The following ARHGAP21 variants were observed in gnomAD, a reference collection of about 807,000 sequenced individuals.
The protein encoded by ARHGAP21 is rho GTPase-activating protein 21.
In ARHGAP21, 38 loss-of-function variants were observed where a neutral mutation model predicts 164.6. That is an observed-to-expected ratio of 0.23 (90% CI 0.18 to 0.30). The LOEUF is 0.30. Ranked by LOEUF, ARHGAP21 falls within the 10% of genes least tolerant of loss-of-function variation. The pLI is 1.00. For missense variants in ARHGAP21, 1,822 were observed against 2,370.7 expected, an observed-to-expected ratio of 0.77 and a Z score of 4.81; for synonymous variants, 766 against 857.9, an observed-to-expected ratio of 0.89 and a Z score of 1.87.
intron 2 of ARHGAP21, among the ~76,000 whole-genome samples, chr10:24,677,151 C>A: frequency 6.6e-6 from 1 of 152,222 alleles, no homozygotes; most frequent in South Asian, 2.1e-4. Context: ...ACCCAGGAGG[C>A]GGAGGTTGCA....
chr10:24,600,923 C>T lies in ARHGAP21; in HGVS notation c.2855G>A (p.Gly952Asp). The T allele has an allele frequency of 6.2e-7, 1 of 1,609,170 alleles. No individual in the cohort carries two copies. The highest frequency in any genetic ancestry group is 8.5e-7 in the Non-Finnish European group (1 of 1,176,136). Residue 952 changes from glycine to aspartate, a missense_variant, in exon 14 of 26, where the codon GGT becomes GAT. Physicochemically the swap from Gly to Asp is moderately conservative, Grantham distance 94. This residue lies in a region of ARHGAP21 where 1,090 missense variants were observed against 1,378.9 expected (regional missense o/e 0.79). Transcript: ENST00000396432. ...CTGTTTCCATGGCCGAATACTTCCA[C>T]CAACTCGCTAGAAAACATGCGACAG... ...PLVTDKGKRVGGSIRPWKQMY... is the reference protein window; with the variant it reads ...PLVTDKGKRVDGSIRPWKQMY...
intron 2 of ARHGAP21, among the ~76,000 whole-genome samples, chr10:24,707,414 A>G (rs1303806784): frequency 1.3e-5 from 2 of 151,770 alleles, no homozygotes; most frequent in Non-Finnish European, 2.9e-5. Flanking sequence ...TCTATCCTTG[A>G]CCTCCCTCTA....
intron 2 of ARHGAP21, among the ~76,000 whole-genome samples, chr10:24,697,725 T>C (rs1183504869): frequency 5.3e-5 from 8 of 151,722 alleles, no homozygotes. Context: ...CCGGGCATGG[T>C]GGTGTGCAGC....
intron 1 of ARHGAP21, chr10:24,722,607 CT>C (rs1363435526): frequency 6.6e-6 from 1 of 152,286 alleles, no homozygotes; most frequent in Non-Finnish European, 1.5e-5. Context: ...GACAGGGACA[CT>C]TCGGTGAAGT....
intron 4 of ARHGAP21, among the ~76,000 whole-genome samples, chr10:24,656,180 C>T (rs1382837838): frequency 2.8e-5 from 4 of 141,150 alleles, no homozygotes; most frequent in Admixed American, 6.8e-5. Context: ...GTCAGCCCCC[C>T]GCCCGGCCAG....
chr10:24,671,199 A>T (rs1840671669), intron 2 of ARHGAP21, among the ~76,000 whole-genome samples: 1 of 152,042 alleles, frequency 6.6e-6, no homozygotes, highest in Non-Finnish European at 1.5e-5. Flanking sequence ...ACAAAACCTA[A>T]CCCTGGATAA....
chr10:24,584,806 C>T lies in ARHGAP21; in HGVS notation c.5483G>A (p.Arg1828Lys). The change falls in exon 26 of 26, where the codon AGA becomes AAA. Residue 1828 changes from arginine (R) to lysine (K), a missense_variant. By Grantham distance (26) the Arg-to-Lys change is conservative (BLOSUM62 2). Coordinates refer to ENST00000396432, the MANE Select transcript of ARHGAP21 (RefSeq NM_020824.4). ...FWKVHEQSGE[R>K]ESELSAVNRL... is the part of the protein sequence containing the mutation. The stretch of plus-strand genomic sequence containing the variant: ...GTTTACAGCTGAAAGTTCAGATTCT[C>T]TCTCCCCGCTCTGCTCATGCACTTT... The T allele has an allele frequency of 6.2e-7, 1 of 1,613,956 alleles. No homozygotes were observed. Among genetic ancestry groups the T allele is most frequent in the Middle Eastern group, 1.7e-4 (1 of 6,056 alleles).
chr10:24,587,391 AACAG>A lies in ARHGAP21; in HGVS notation c.4183-1289_4183-1286del, dbSNP rs147874282. 6.6e-5 allele frequency among the ~76,000 whole-genome samples: 10 copies of A among 152,286 alleles called. No individual in the cohort carries two copies. In the East Asian group the frequency reaches 1.9e-3, roughly 30 times the overall value. ...GGCAGGAGGTATGCTGAGTAATAGAAACAGACAGTATATTTCTCTATTGCCTGCA... is the reference window on the plus strand; with the variant it reads ...GGCAGGAGGTATGCTGAGTAATAGAAACAGTATATTTCTCTATTGCCTGCA... On this transcript the variant is annotated intron_variant, in intron 25 of 25. Coordinates refer to ENST00000396432, the MANE Select transcript of ARHGAP21 (RefSeq NM_020824.4).
At chr10:24,716,536 G>A (rs896491819) in intron 2 of ARHGAP21, among the ~76,000 whole-genome samples, 1 of 152,240 alleles carries the variant, frequency 6.6e-6, no homozygotes, top group African/African-American at 2.4e-5. Context: ...CACAGAGTGA[G>A]GCGGGAAGAG....
intron 8 of ARHGAP21, among the ~76,000 whole-genome samples, chr10:24,622,267 A>G (rs928874764): frequency 6.6e-6 from 1 of 151,740 alleles, no homozygotes; most frequent in African/African-American, 2.4e-5. Context: ...TATGTTCAGC[A>G]TCTGAGACAG....
rs748253481 is a variant in ARHGAP21, at chr10:24,585,006, C to T, written c.5283G>A (p.Trp1761Ter). Residue 1761 changes from tryptophan to a stop codon, truncating the protein, a stop_gained, in exon 26 of 26, where the codon TGG (tryptophan) becomes TGA (stop). Coordinates refer to ENST00000396432, the MANE Select transcript of ARHGAP21 (RefSeq NM_020824.4). LOFTEE classifies it low-confidence loss of function (END_TRUNC). Reference sequence around the variant, plus strand: ...TTAACCGATCTGCTATTTTCGTTTTCCATGTGGGTTCCTGTTTTTCGGATT... The same window carrying T: ...TTAACCGATCTGCTATTTTCGTTTTTCATGTGGGTTCCTGTTTTTCGGATT... ...RGESEKQEPTWKTKIADRLKL... is the reference protein window; with the variant it reads ...RGESEKQEPT 1 of 1,613,934 alleles carries T rather than the reference C, an allele frequency of 6.2e-7. No homozygotes were observed. The highest frequency in any genetic ancestry group is 8.5e-7 in the Non-Finnish European group (1 of 1,179,870).
chr10:24,656,242 GC>G (rs1160174816), intron 4 of ARHGAP21, among the ~76,000 whole-genome samples: 7 of 126,920 alleles, frequency 5.5e-5, no homozygotes, highest in Admixed American at 5.2e-4. Context: ...CCGGCCAGCC[GC>G]CCCGTCCGGG....
chr10:24,667,042 G>A (rs770468854), intron 3 of ARHGAP21, 33 bp from the exon 4 acceptor site: 4 of 1,146,208 alleles, frequency 3.5e-6, no homozygotes, highest in Non-Finnish European at 4.9e-6. Context: ...ACATATATGA[G>A]TACATATTTA....
At chr10:24,657,461 G>A (rs1593193719) in intron 4 of ARHGAP21, among the ~76,000 whole-genome samples, 6 of 89,338 alleles carry the variant, frequency 6.7e-5, no homozygotes, top group Admixed American at 9.7e-5. Context: ...CAGCCGCCCC[G>A]TCCGGGAGGT....
At chr10:24,590,279 G>C in intron 24 of ARHGAP21, 1 of 1,523,554 alleles carries the variant, frequency 6.6e-7, no homozygotes, top group Non-Finnish European at 8.8e-7. Context: ...AAGTAGTATT[G>C]ATCTGTTTAC....
chr10:24,663,193 T>C (rs947267066), intron 4 of ARHGAP21, among the ~76,000 whole-genome samples: 3 of 152,164 alleles, frequency 2.0e-5, no homozygotes, highest in South Asian at 2.1e-4. Flanking sequence ...AGTTATTATA[T>C]TGACTCTATA....
In ARHGAP21 at chr10:24,699,802, G is replaced by A. The variant is rs151264121; in HGVS notation, c.63+22035C>T. Reference sequence around the variant, plus strand: ...TAAGCCCTTGTTTATCAGCTTCTTCGTCTGTAAAATGGGAATGTGATATTC... The same window carrying A: ...TAAGCCCTTGTTTATCAGCTTCTTCATCTGTAAAATGGGAATGTGATATTC... On this transcript the variant is annotated intron_variant, in intron 2 of 25. Coordinates refer to ENST00000396432, the MANE Select transcript of ARHGAP21 (RefSeq NM_020824.4). Among the ~76,000 whole-genome samples, 5 of 152,248 alleles carry A rather than the reference G, an allele frequency of 3.3e-5. No homozygotes were observed. The East Asian group carries it at 5.8e-4, about 18-fold the overall frequency.
intron 2 of ARHGAP21, among the ~76,000 whole-genome samples, chr10:24,704,959 T>C (rs1357340450): frequency 6.6e-6 from 1 of 152,124 alleles, no homozygotes; most frequent in Non-Finnish European, 1.5e-5. Flanking sequence ...ACCACAAGGA[T>C]GGTAGCAACA....
At chr10:24,589,141 A>T (rs991497062) in intron 25 of ARHGAP21, 130 bp downstream of exon 25, 37 of 825,228 alleles carry the variant, frequency 4.5e-5, no homozygotes, top group Non-Finnish European at 7.0e-5. Flanking sequence ...TTTAGGAATT[A>T]ATTTTTTGAT....
Sources: gnomAD v4.1 joint callset for allele counts (sites outside exome capture counted in the v4.1 genomes callset) on GRCh38, gnomAD v4.1.1 for gene constraint, gnomAD v4.1.1 regional missense constraint, MANE v1.5 for transcripts, NCBI Gene and HGNC (gene_info 2026-07-23, HGNC 2026-07-21) for gene names.